The following PTP4A2 variants were observed in gnomAD, a reference collection of about 807,000 sequenced individuals.
The protein encoded by PTP4A2 is protein tyrosine phosphatase 4A2.
In PTP4A2, 2 loss-of-function variants were observed where a neutral mutation model predicts 22.9. The ratio of observed to expected loss-of-function variants is 0.09; its 90% confidence interval spans 0.04 to 0.27. The LOEUF is 0.27. PTP4A2 is among the 10% of genes least tolerant of loss of function. PTP4A2 has a pLI of 1.00. For synonymous variants in PTP4A2, 68 were observed against 69.1 expected, an observed-to-expected ratio of 0.98 and a Z score of 0.08; for missense variants, 103 against 205.1, an observed-to-expected ratio of 0.50 and a Z score of 3.04.
intron 2 of PTP4A2, among the ~76,000 whole-genome samples, chr1:31,916,521 T>TA: frequency 6.6e-6 from 1 of 152,264 alleles, no homozygotes; most frequent in South Asian, 2.1e-4. Context: ...TTTGGTAGCA[T>TA]AACGTGAAAA....
At chr1:31,910,161 G>T in intron 4 of PTP4A2, 49 bp from the exon 5 acceptor site, 1 of 1,481,288 alleles carries the variant, frequency 6.8e-7, no homozygotes. Context: ...TGGAGTGAAA[G>T]GATTTTTAAA....
intron 1 of PTP4A2, among the ~76,000 whole-genome samples, chr1:31,928,484 G>A (rs1652578416): frequency 1.3e-5 from 2 of 151,604 alleles, no homozygotes; most frequent in Admixed American, 1.3e-4. Context: ...CGGATCACCT[G>A]AGGTCAGGAG....
At chr1:31,917,947 CA>C (rs56791050) in intron 2 of PTP4A2, among the ~76,000 whole-genome samples, 28,470 of 81,368 alleles carry the variant, frequency 0.35, 3,776 homozygotes, top group African/African-American at 0.48. Flanking sequence ...CACTCCGTCT[CA>C]AAAAAAAAAA....
intron 1 of PTP4A2, among the ~76,000 whole-genome samples, chr1:31,925,183 T>C (rs374237229): frequency 1.1e-4 from 17 of 152,196 alleles, no homozygotes; most frequent in African/African-American, 3.9e-4. Flanking sequence ...CATCTTAACA[T>C]ATACCTTTTG....
At chr1:31,913,501 T>C (rs1023454675) in intron 3 of PTP4A2, among the ~76,000 whole-genome samples, 5 of 152,214 alleles carry the variant, frequency 3.3e-5, no homozygotes, top group African/African-American at 9.6e-5. Flanking sequence ...CTGTTTTCTA[T>C]AGTGGTTGTA....
intron 1 of PTP4A2, among the ~76,000 whole-genome samples, chr1:31,923,741 T>C (rs539600430): frequency 1.3e-5 from 2 of 152,292 alleles, no homozygotes; most frequent in Admixed American, 1.3e-4. Flanking sequence ...TTGCCCAGGC[T>C]GGTCTAAAAC....
intron 4 of PTP4A2, chr1:31,910,856 T>C (rs973471564): frequency 2.0e-5 from 3 of 152,208 alleles, no homozygotes; most frequent in Admixed American, 1.3e-4. Context: ...AAAATCCTTT[T>C]GATGAGCTAG....
chr1:31,934,270 A>G (rs1652845638), intron 1 of PTP4A2, among the ~76,000 whole-genome samples: 1 of 152,184 alleles, frequency 6.6e-6, no homozygotes, highest in Admixed American at 6.5e-5. Context: ...AAAAAAACCA[A>G]AACAAACAAA....
chr1:31,908,632 A>G lies in PTP4A2; in HGVS notation c.*220T>C. ...TAGGAGCAAAATCATCCTTCACTGA[A>G]TTAATTCCTTTTCTCTTTCTCTTTT... is the stretch of plus-strand genomic sequence containing the variant. On this transcript the variant is annotated 3_prime_UTR_variant, in exon 6 of 6. Transcript: ENST00000647444. 2.6e-6 allele frequency: 1 copy of G among 382,452 alleles called. No homozygotes were observed. The allele number at this position is 382,452 out of a possible 1,614,324, so 23.7% of individuals were successfully genotyped here.
chr1:31,917,419 A>T (rs183553664), intron 2 of PTP4A2, among the ~76,000 whole-genome samples: 3 of 152,364 alleles, frequency 2.0e-5, no homozygotes, highest in Admixed American at 2.0e-4. Flanking sequence ...CAAGAAAGGT[A>T]GAAGTATTGT....
chr1:31,917,568 A>T (rs2124181539), intron 2 of PTP4A2, among the ~76,000 whole-genome samples: 2 of 152,304 alleles, frequency 1.3e-5, no homozygotes, highest in Non-Finnish European at 2.9e-5. Flanking sequence ...TTTTGGTCTC[A>T]GTTTTCCCAT....
chr1:31,922,692 G>A (rs1020405375), intron 1 of PTP4A2, among the ~76,000 whole-genome samples: 2 of 151,226 alleles, frequency 1.3e-5, no homozygotes, highest in Non-Finnish European at 1.5e-5. Context: ...GCAGTGGCGC[G>A]ATCATGGCTC....
rs140739232 is a variant in PTP4A2, at chr1:31,906,755, TACACAC to T, written c.*2091_*2096del. On this transcript the variant is annotated 3_prime_UTR_variant, in exon 6 of 6. Transcript: ENST00000647444. Reference sequence around the variant, plus strand: ...GCGCGTGCACACACACACACACACATACACACACACACACACACACACACACACACA... The same window carrying T: ...GCGCGTGCACACACACACACACACATACACACACACACACACACACACACA... 4.3e-3 allele frequency: 573 copies of T among 133,282 alleles called. 2 individuals carry two copies. Among genetic ancestry groups the T allele is most frequent in the Middle Eastern group, 7.4e-3 (2 of 270 alleles). The allele number at this position is 133,282 out of a possible 1,614,324, so 8.3% of individuals were successfully genotyped here. A position where few individuals can be genotyped will look rare whatever the true frequency, so the allele number is the denominator to read the frequency against.
chr1:31,916,382 T>TAC (rs1651846758), intron 2 of PTP4A2, among the ~76,000 whole-genome samples: 1 of 130,566 alleles, frequency 7.7e-6, no homozygotes, highest in Non-Finnish European at 1.7e-5. Context: ...AGAAATCTAC[T>TAC]ATTATAAATT....
At position 31,912,372 on chromosome 1, in the gene PTP4A2, T is replaced by C. The variant is rs1025824847; in HGVS notation, c.190-546A>G. On this transcript the variant is annotated intron_variant, in intron 3 of 5. Coordinates refer to ENST00000647444, the MANE Select transcript of PTP4A2 (RefSeq NM_080391.4). The stretch of plus-strand genomic sequence containing the variant: ...TCATAACAGAAACAAACTACCATCT[T>C]TGTGCTTATTAAAAGGCAAGCAGTG... 2.0e-5 allele frequency among the ~76,000 whole-genome samples: 3 copies of C among 152,330 alleles called. No homozygotes were observed. In the East Asian group the frequency reaches 5.8e-4, roughly 29 times the overall value.
chr1:31,923,913 G>A (rs1652325194), intron 1 of PTP4A2: 6 of 152,104 alleles, frequency 3.9e-5, no homozygotes, highest in Admixed American at 3.3e-4. Flanking sequence ...CTCCAACTCT[G>A]CGACCTTAAA....
intron 5 of PTP4A2, among the ~76,000 whole-genome samples, chr1:31,909,547 CT>C (rs1232115225): frequency 6.6e-6 from 1 of 152,004 alleles, no homozygotes; most frequent in Non-Finnish European, 1.5e-5. Flanking sequence ...TGGTGCGTGC[CT>C]GTAGTCCCAG....
chr1:31,908,136 TATATTATATATATATATATATA>T lies in PTP4A2; in HGVS notation c.*694_*715del, dbSNP rs1651298367. The T allele has an allele frequency of 3.6e-4, 1 of 2,748 alleles. No homozygotes were observed. Among genetic ancestry groups the T allele is most frequent in the Non-Finnish European group, 9.9e-4 (1 of 1,008 alleles). The allele number at this position is 2,748 out of a possible 1,614,324, so 0.2% of individuals were successfully genotyped here. On this transcript the variant is annotated 3_prime_UTR_variant, in exon 6 of 6. Coordinates refer to ENST00000647444, the MANE Select transcript of PTP4A2 (RefSeq NM_080391.4). ...AAAATATATATATATATATATATAT[TATATTATATATATATATATATA>T]TATATATATATATATATATATATAT... is the stretch of plus-strand genomic sequence containing the variant.
chr1:31,931,550 AC>A (rs1382386526), intron 1 of PTP4A2, among the ~76,000 whole-genome samples: 1 of 152,204 alleles, frequency 6.6e-6, no homozygotes, highest in African/African-American at 2.4e-5. Context: ...AAAAAGCTTA[AC>A]AAAAATTTTC....
Sources: gnomAD v4.1 joint callset for allele counts (sites outside exome capture counted in the v4.1 genomes callset) on GRCh38, gnomAD v4.1.1 for gene constraint, MANE v1.5 for transcripts, NCBI Gene and HGNC (gene_info 2026-07-23, HGNC 2026-07-21) for gene names.